Variants in B4GALT1 observed in about 807,000 individuals in gnomAD.
B4GALT1 encodes beta-1,4-galactosyltransferase 1.
A neutral mutation model predicts 34.9 loss-of-function variants in B4GALT1; 16 were observed. The observed-to-expected ratio is 0.46, with a 90% confidence interval of 0.31 to 0.70. The LOEUF is 0.70. Ranked by LOEUF, B4GALT1 falls within the 30% of genes least tolerant of loss-of-function variation. B4GALT1 has a pLI of 0.05. For missense variants in B4GALT1, 445 were observed against 530.5 expected, an observed-to-expected ratio of 0.84 and a Z score of 1.58; for synonymous variants, 221 against 218.1, an observed-to-expected ratio of 1.01 and a Z score of -0.12.
chr9:33,148,349 G>T (rs1263075329), intron 1 of B4GALT1, among the ~76,000 whole-genome samples: 1 of 152,202 alleles, frequency 6.6e-6, no homozygotes, highest in Non-Finnish European at 1.5e-5. Context: ...GGTTAATGCT[G>T]ATTATTCACG....
At chr9:33,152,573 T>TAAAAAAAAGAA (rs1554688174) in intron 1 of B4GALT1, among the ~76,000 whole-genome samples, 51 of 139,812 alleles carry the variant, frequency 3.6e-4, no homozygotes, top group Admixed American at 1.1e-3. Flanking sequence ...AAAAAAGGGT[T>TAAAAAAAAGAA]AAAAAAAAGA....
intron 1 of B4GALT1, among the ~76,000 whole-genome samples, chr9:33,161,299 C>T (rs1036917982): frequency 6.6e-6 from 1 of 152,142 alleles, no homozygotes; most frequent in African/African-American, 2.4e-5. Flanking sequence ...AGGCCACATT[C>T]ACCCAGAACC....
At chr9:33,178,096 A>T in the B4GALT1 span, among the ~76,000 whole-genome samples, 1 of 144,970 alleles carries the variant, frequency 6.9e-6, no homozygotes, top group African/African-American at 2.6e-5. Context: ...GGCTCAGGTG[A>T]TCCTCCCAAC....
chr9:33,168,492 C>G (rs1840805276), upstream of B4GALT1, among the ~76,000 whole-genome samples: 1 of 152,212 alleles, frequency 6.6e-6, no homozygotes, highest in African/African-American at 2.4e-5. Context: ...TTGCTGTGTG[C>G]CAGTACTATC....
chr9:33,136,549 G>A (rs1033518157), intron 1 of B4GALT1, among the ~76,000 whole-genome samples: 2 of 152,344 alleles, frequency 1.3e-5, no homozygotes, highest in South Asian at 2.1e-4. Context: ...GGAATGCTGC[G>A]TATTAAATCC....
intron 1 of B4GALT1, among the ~76,000 whole-genome samples, chr9:33,136,248 AAG>A (rs1410132296): frequency 6.6e-6 from 1 of 152,174 alleles, no homozygotes; most frequent in African/African-American, 2.4e-5. Context: ...GTAAGTTAGT[AAG>A]AGAGTGCTTG....
chr9:33,141,597 A>G (rs1840351261), intron 1 of B4GALT1, among the ~76,000 whole-genome samples: 1 of 152,208 alleles, frequency 6.6e-6, no homozygotes, highest in African/African-American at 2.4e-5. Context: ...GTGACAGGTA[A>G]CAAACAATAA....
chr9:33,122,089 C>T (rs540596182), intron 2 of B4GALT1, among the ~76,000 whole-genome samples: 2 of 152,308 alleles, frequency 1.3e-5, no homozygotes, highest in South Asian at 4.1e-4. Context: ...AATCCTCATT[C>T]AATGCTCTTT....
intron 1 of B4GALT1, among the ~76,000 whole-genome samples, chr9:33,152,309 AATAACATAACATAACATAACATAAC>A (rs370702963): frequency 2.5e-5 from 3 of 121,962 alleles, no homozygotes; most frequent in East Asian, 2.4e-4. Context: ...CTCTCCAAAA[AATAACATAACATAACATAACATAAC>A]ATAACATAAC....
the B4GALT1 span, among the ~76,000 whole-genome samples, chr9:33,176,665 G>T: frequency 6.6e-6 from 1 of 152,080 alleles, no homozygotes; most frequent in Non-Finnish European, 1.5e-5. Flanking sequence ...GAGTACACTC[G>T]GCACAAAGGT....
intron 1 of B4GALT1, among the ~76,000 whole-genome samples, chr9:33,165,582 T>G (rs111497520): frequency 6.6e-6 from 1 of 152,258 alleles, no homozygotes; most frequent in Admixed American, 6.5e-5. Flanking sequence ...ACGCAATTAC[T>G]GGCGAAATTG....
At chr9:33,120,663 C>A in intron 2 of B4GALT1, 57 bp from the exon 3 acceptor site, 1 of 1,567,422 alleles carries the variant, frequency 6.4e-7, no homozygotes, top group Non-Finnish European at 8.7e-7. Context: ...GGGCCAAACA[C>A]TCACAGGGAC....
chr9:33,157,384 A>G (rs1281715692), intron 1 of B4GALT1, among the ~76,000 whole-genome samples: 1 of 152,236 alleles, frequency 6.6e-6, no homozygotes, highest in Non-Finnish European at 1.5e-5. Context: ...TGAAGCAAAG[A>G]GCTACACACT....
intron 2 of B4GALT1, among the ~76,000 whole-genome samples, chr9:33,132,313 G>A (rs935761988): frequency 3.3e-5 from 5 of 152,084 alleles, no homozygotes; most frequent in Non-Finnish European, 5.9e-5. Context: ...ACTTAGGCCC[G>A]CTTTCCCCAA....
At chr9:33,164,440 G>T (rs1220155595) in intron 1 of B4GALT1, among the ~76,000 whole-genome samples, 4 of 152,120 alleles carry the variant, frequency 2.6e-5, no homozygotes, top group Non-Finnish European at 5.9e-5. Flanking sequence ...AAGACCTCTC[G>T]GCCCCCATTT....
intron 1 of B4GALT1, among the ~76,000 whole-genome samples, chr9:33,143,242 G>A (rs896113509): frequency 6.6e-6 from 1 of 152,074 alleles, no homozygotes; most frequent in East Asian, 1.9e-4. Context: ...AGACCAACTG[G>A]GCACAGTGGG....
chr9:33,115,587 A>G (rs1007897180), intron 4 of B4GALT1, among the ~76,000 whole-genome samples: 5 of 152,330 alleles, frequency 3.3e-5, no homozygotes, highest in South Asian at 4.1e-4. Context: ...AAATACTCCA[A>G]AATAAAAATA....
chr9:33,174,959 A>T, the B4GALT1 span, among the ~76,000 whole-genome samples: 1 of 10,614 alleles, frequency 9.4e-5, no homozygotes, highest in Non-Finnish European at 1.5e-4. Flanking sequence ...ACTCTGTCTT[A>T]AAAAAAAAAA....
chr9:33,122,946 C>G (rs568634996), intron 2 of B4GALT1, among the ~76,000 whole-genome samples: 3 of 152,202 alleles, frequency 2.0e-5, no homozygotes, highest in African/African-American at 7.2e-5. Context: ...GAGTTCGAGA[C>G]CAGCCTGGCC....
Sources: gnomAD v4.1 joint callset for allele counts (sites outside exome capture counted in the v4.1 genomes callset) on GRCh38, gnomAD v4.1.1 for gene constraint, MANE v1.5 for transcripts, NCBI Gene and HGNC (gene_info 2026-07-23, HGNC 2026-07-21) for gene names.